The following RPL17 variants were observed in gnomAD, a reference collection of about 807,000 sequenced individuals.
RPL17 encodes the protein large ribosomal subunit protein uL22.
A neutral mutation model predicts 27.7 loss-of-function variants in RPL17; 2 were observed. That is an observed-to-expected ratio of 0.07 (90% CI 0.03 to 0.23). The LOEUF is 0.23. Among genes scored for constraint, RPL17 ranks in the 10% least tolerant of loss-of-function variants. The probability of loss-of-function intolerance (pLI) is 1.00; values close to 1 mark genes in which losing one functional copy is unlikely to be tolerated. For missense variants in RPL17, 141 were observed against 238.8 expected (o/e 0.59, Z 2.70); for synonymous variants, 76 against 75.5 (o/e 1.01, Z -0.03).
At chr18:49,491,308 C>T (rs535446200) in intron 3 of RPL17, 97 bp downstream of exon 3, 35 of 1,562,716 alleles carry the variant, frequency 2.2e-5, no homozygotes, top group African/African-American at 5.4e-5. Flanking sequence ...TTAATTTTCA[C>T]GGTAAATCCA....
At chr18:49,491,141 A>G (rs776754277) in intron 3 of RPL17, 22 of 909,606 alleles carry the variant, frequency 2.4e-5, no homozygotes, top group Non-Finnish European at 3.6e-5. Context: ...AAAACGTTTA[A>G]ATTCCATCAT....
At chr18:49,491,937 C>A (rs558060765) in intron 1 of RPL17, 304 of 395,746 alleles carry the variant, frequency 7.7e-4, no homozygotes, top group African/African-American at 5.7e-3. Flanking sequence ...CCCTCTACAC[C>A]TCCTCCCTCC....
At chr18:49,490,031 A>G (rs776677699) in intron 5 of RPL17, among the ~76,000 whole-genome samples, 30 of 152,254 alleles carry the variant, frequency 2.0e-4, no homozygotes, top group Non-Finnish European at 3.5e-4. Flanking sequence ...GAAATTTTAA[A>G]CAATTTCTTT....
intron 1 of RPL17, chr18:49,492,088 T>C (rs1277560645): frequency 4.8e-6 from 1 of 206,348 alleles, no homozygotes; most frequent in Non-Finnish European, 1.0e-5. Flanking sequence ...CACCCGACTT[T>C]TCTTTCCCCC....
intron 1 of RPL17, 33 bp from the exon 2 acceptor site, chr18:49,491,617 C>A: frequency 6.2e-7 from 1 of 1,610,060 alleles, no homozygotes; most frequent in Non-Finnish European, 8.5e-7. Context: ...TCTGTCAATA[C>A]GTACTTACAG....
At chr18:49,489,314 A>C in intron 6 of RPL17, 45 bp downstream of exon 6, 1 of 1,606,030 alleles carries the variant, frequency 6.2e-7, no homozygotes, top group Non-Finnish European at 8.5e-7. Flanking sequence ...AGCAACCACA[A>C]ATCTTTCTAC....
intron 4 of RPL17, 54 bp from the exon 5 acceptor site, chr18:49,490,606 A>G: frequency 6.2e-7 from 1 of 1,610,084 alleles, no homozygotes; most frequent in South Asian, 1.1e-5. Flanking sequence ...TTAACATTAC[A>G]GCCAAGATGA....
intron 4 of RPL17, 82 bp from the exon 5 acceptor site, chr18:49,490,634 G>A (rs1239068112): frequency 3.1e-6 from 5 of 1,600,090 alleles, no homozygotes; most frequent in Non-Finnish European, 4.3e-6. Flanking sequence ...TGATATCACG[G>A]TTTCTTAGGA....
intron 5 of RPL17, 129 bp from the exon 6 acceptor site, chr18:49,489,679 A>C: frequency 1.0e-6 from 1 of 955,522 alleles, no homozygotes; most frequent in East Asian, 2.6e-5. Context: ...CATTTTTAAA[A>C]GGCAATCCTT....
At chr18:49,490,295 T>A (rs949652494) in intron 5 of RPL17, 159 bp downstream of exon 5, 26 of 794,560 alleles carry the variant, frequency 3.3e-5, no homozygotes, top group Non-Finnish European at 7.7e-6. Context: ...TCAAAAAAAA[T>A]AAAAGGAAAT....
chr18:49,492,401 G>C (rs1391043321), intron 1 of RPL17, 57 bp downstream of exon 1: 1 of 152,468 alleles, frequency 6.6e-6, no homozygotes, highest in Non-Finnish European at 1.5e-5. Context: ...CCGAAGCCAG[G>C]ATGGCGGCGA....
intron 5 of RPL17, 64 bp from the exon 6 acceptor site, chr18:49,489,614 A>G (rs1644630736): frequency 2.0e-6 from 3 of 1,516,622 alleles, no homozygotes; most frequent in South Asian, 1.2e-5. Context: ...ACCACAAACT[A>G]TCATTGCTAA....
intron 1 of RPL17, chr18:49,491,878 C>G: frequency 1.9e-6 from 1 of 519,120 alleles, no homozygotes; most frequent in African/African-American, 1.9e-5. Flanking sequence ...GCTGGATCTT[C>G]CAGGCGTAAA....
chr18:49,491,114 C>T, intron 3 of RPL17, 187 bp from the exon 4 acceptor site: 2 of 995,500 alleles, frequency 2.0e-6, no homozygotes, highest in Non-Finnish European at 3.0e-6. Context: ...AACTCCAAAA[C>T]TCCATTTATT....
chr18:49,491,894 T>C, intron 1 of RPL17: 3 of 472,992 alleles, frequency 6.3e-6, no homozygotes, highest in South Asian at 5.5e-5. Flanking sequence ...GTAAAATGAC[T>C]CGACGCATCC....
intron 5 of RPL17, 146 bp from the exon 6 acceptor site, chr18:49,489,696 T>C: frequency 1.2e-6 from 1 of 859,986 alleles, no homozygotes; most frequent in Non-Finnish European, 1.8e-6. Flanking sequence ...CCTTTTATTC[T>C]GCAAATAGCA....
In RPL17 at chr18:49,491,132, A is replaced by C. The variant is rs1324503216; in HGVS notation, c.82-205T>G. Reference sequence around the variant, plus strand: ...TCCAAAACTCCATTTATTCACTATAAAACGTTTAAATTCCATCATCATGTA... The same window carrying C: ...TCCAAAACTCCATTTATTCACTATACAACGTTTAAATTCCATCATCATGTA... On this transcript the variant is annotated intron_variant, in intron 3 of 6. Transcript: ENST00000580261. 1.6e-5 allele frequency: 15 copies of C among 929,602 alleles called. No individual in the cohort carries two copies. In the Admixed American group the frequency reaches 3.3e-4, roughly 20 times the overall value. The allele number at this position is 929,602 out of a possible 1,614,324, so 57.6% of individuals were successfully genotyped here.
chr18:49,491,687 CATTATTA>C, intron 1 of RPL17, 103 bp from the exon 2 acceptor site: 1 of 1,390,566 alleles, frequency 7.2e-7, no homozygotes, highest in African/African-American at 1.4e-5. Flanking sequence ...TAGTTGTTTT[CATTATTA>C]ATCCAAAGGT....
chr18:49,491,766 T>C (rs2084108524), intron 1 of RPL17, 182 bp from the exon 2 acceptor site: 2 of 823,008 alleles, frequency 2.4e-6, no homozygotes. Flanking sequence ...CTTTCCCTTT[T>C]ATCTTCCAGT....
Sources: allele counts gnomAD v4.1 joint callset (sites outside exome capture counted in the v4.1 genomes callset), GRCh38; gene constraint gnomAD v4.1.1; transcripts MANE v1.5; gene names NCBI Gene and HGNC (gene_info 2026-07-23, HGNC 2026-07-21).